ANKRD11: variants seen among roughly 807,000 people sequenced by gnomAD.
ANKRD11 encodes the protein ankyrin repeat domain 11.
Under a neutral mutation model 195.7 loss-of-function variants are expected in ANKRD11, and 17 were observed. The ratio of observed to expected loss-of-function variants is 0.09; its 90% CI spans 0.06 to 0.13. ANKRD11 has a LOEUF of 0.13. Ranked by LOEUF, ANKRD11 falls within the 10% of genes least tolerant of loss-of-function variation. The pLI is 1.00. For missense variants in ANKRD11, 3,735 were observed against 3,566.1 expected (o/e 1.05, Z -1.21); for synonymous variants, 1,953 against 1,528.1 (o/e 1.28, Z -6.49).
In ANKRD11 at chr16:89,274,904, C is replaced by A; in HGVS notation, c.7623G>T (p.Ala2541=). 6.2e-7 allele frequency: 1 copy of A among 1,613,580 alleles called. No homozygotes were observed. The highest frequency in any genetic ancestry group is 8.5e-7 in the Non-Finnish European group (1 of 1,180,002). ...CTGCCTGGTTGGCGATGGTCCTGGCCGCCCGGCAGTGAACCCGCAGAATCT... is the reference window on the plus strand; with the variant it reads ...CTGCCTGGTTGGCGATGGTCCTGGCAGCCCGGCAGTGAACCCGCAGAATCT... ...EQEILRVHCR[A]ARTIANQAVP... is the part of the protein sequence containing the mutation. The change falls in exon 11 of 13, where the codon GCG becomes GCT. Residue 2541 remains alanine (A), a synonymous_variant. Transcript: ENST00000301030.
intron 3 of ANKRD11, among the ~76,000 whole-genome samples, chr16:89,314,243 G>C (rs1314191017): frequency 7.2e-5 from 11 of 151,882 alleles, no homozygotes; most frequent in Admixed American, 7.2e-4. Context: ...GACAGAGTCA[G>C]ACCCTGTCTC....
chr16:89,303,747 T>C (rs1328539978), intron 4 of ANKRD11, among the ~76,000 whole-genome samples: 2 of 152,222 alleles, frequency 1.3e-5, no homozygotes, highest in African/African-American at 2.4e-5. Flanking sequence ...GCCACAGGCC[T>C]GCGGCAGCCA....
intron 2 of ANKRD11, among the ~76,000 whole-genome samples, chr16:89,359,149 T>C (rs1006723921): frequency 2.6e-5 from 4 of 152,074 alleles, no homozygotes; most frequent in African/African-American, 9.7e-5. Context: ...AAAAGACTGA[T>C]TCTGGAAGAA....
At position 89,278,899 on chromosome 16, in the gene ANKRD11, T is replaced by C. The variant is rs1012137969; in HGVS notation, c.7470+173A>G. Reference sequence around the variant, plus strand: ...CGGGTCTGCAGAACAGCTGGGCAGCTTCCGGCTTTTGCCTCCACAGCAGAA... The same window carrying C: ...CGGGTCTGCAGAACAGCTGGGCAGCCTCCGGCTTTTGCCTCCACAGCAGAA... On this transcript the variant is annotated intron_variant, in intron 9 of 12. Transcript: ENST00000301030. The C allele has an allele frequency of 4.4e-6, 5 of 1,124,388 alleles. No homozygotes were observed. In the African/African-American group the frequency reaches 7.7e-5, roughly 17 times the overall value. 69.7% of individuals were successfully genotyped at this position (1,124,388 alleles called of 1,614,324 possible). A position where few individuals can be genotyped will look rare whatever the true frequency, so the allele number is the denominator to read the frequency against.
intron 2 of ANKRD11, among the ~76,000 whole-genome samples, chr16:89,393,002 A>C (rs2041265014): frequency 6.6e-6 from 1 of 151,810 alleles, no homozygotes; most frequent in African/African-American, 2.4e-5. Context: ...ACTCCAGCCT[A>C]TTTCTTCACA....
At chr16:89,465,733 C>T (rs953098885) in intron 1 of ANKRD11, among the ~76,000 whole-genome samples, 1 of 152,074 alleles carries the variant, frequency 6.6e-6, no homozygotes, top group Admixed American at 6.6e-5. Context: ...GAGACGGAGT[C>T]GGAGTCTCGC....
At chr16:89,342,160 G>A (rs1006982736) in intron 2 of ANKRD11, among the ~76,000 whole-genome samples, 1 of 152,206 alleles carries the variant, frequency 6.6e-6, no homozygotes, top group African/African-American at 2.4e-5. Flanking sequence ...AGATCTTGGC[G>A]TCTGGGCCTC....
At position 89,426,347 on chromosome 16, in the gene ANKRD11, G is replaced by A. The variant is rs564067910; in HGVS notation, c.-144-7979C>T. 3.9e-5 allele frequency among the ~76,000 whole-genome samples: 6 copies of A among 152,226 alleles called. No homozygotes were observed. The South Asian group carries it at 1.2e-3, about 32-fold the overall frequency. On this transcript the variant is annotated intron_variant, in intron 1 of 12. Coordinates refer to ENST00000301030, the MANE Select transcript of ANKRD11 (RefSeq NM_013275.6). The stretch of plus-strand genomic sequence containing the variant: ...CCAATAACACACAGGAGAAGGTGGA[G>A]GAAGGACAGTGCTGGACTGTGCAAT...
At chr16:89,446,246 G>A (rs1187000554) in intron 1 of ANKRD11, among the ~76,000 whole-genome samples, 2 of 152,152 alleles carry the variant, frequency 1.3e-5, no homozygotes. Context: ...CAAGAAAACA[G>A]CTTCTAATAT....
intron 2 of ANKRD11, among the ~76,000 whole-genome samples, chr16:89,348,840 AT>A (rs2039062279): frequency 6.6e-6 from 1 of 150,530 alleles, no homozygotes; most frequent in South Asian, 2.1e-4. Flanking sequence ...CTCCTGATCC[AT>A]TTGGCTAAGG....
At chr16:89,321,222 G>A (rs1035917498) in intron 2 of ANKRD11, 2 of 152,290 alleles carry the variant, frequency 1.3e-5, no homozygotes, top group African/African-American at 2.4e-5. Flanking sequence ...CACTGACTAC[G>A]GCAAGGTCAG....
At chr16:89,318,728 T>C (rs2037118515) in intron 2 of ANKRD11, among the ~76,000 whole-genome samples, 2 of 152,316 alleles carry the variant, frequency 1.3e-5, no homozygotes, top group South Asian at 4.1e-4. Context: ...AAATAAATGA[T>C]AAAATCCCAC....
intron 4 of ANKRD11, among the ~76,000 whole-genome samples, chr16:89,294,599 C>T (rs967744285): frequency 5.3e-5 from 8 of 152,168 alleles, no homozygotes; most frequent in South Asian, 2.1e-4. Flanking sequence ...GCCCCACCCA[C>T]GGAGCGAGAC....
At chr16:89,473,327 C>G (rs1007101316) in intron 1 of ANKRD11, among the ~76,000 whole-genome samples, 4 of 152,206 alleles carry the variant, frequency 2.6e-5, no homozygotes, top group African/African-American at 9.7e-5. Flanking sequence ...TAACCAATCT[C>G]TGCCTAGAGA....
At chr16:89,429,762 C>T (rs1177430484) in intron 1 of ANKRD11, among the ~76,000 whole-genome samples, 1 of 59,342 alleles carries the variant, frequency 1.7e-5, no homozygotes, top group Non-Finnish European at 3.5e-5. Context: ...ACAGCAGGGA[C>T]TCTCAACTCT....
At chr16:89,462,457 A>C (rs1388926378) in intron 1 of ANKRD11, among the ~76,000 whole-genome samples, 1 of 152,208 alleles carries the variant, frequency 6.6e-6, no homozygotes, top group Admixed American at 6.5e-5. Context: ...GGCCTCCCAA[A>C]GTGCCGAGAC....
rs565553212 is a variant in ANKRD11 at position 89,289,606 on chromosome 16, G to A, written c.602-936C>T. Reference sequence around the variant, plus strand: ...GTGAGGGAGTCCAGTCCAGGGTGTCGACCCAGCCGGCCTCCCGGCTCAGAG... The same window carrying A: ...GTGAGGGAGTCCAGTCCAGGGTGTCAACCCAGCCGGCCTCCCGGCTCAGAG... On this transcript the variant is annotated intron_variant, in intron 6 of 12. Transcript: ENST00000301030. Among the ~76,000 whole-genome samples the A allele has an allele frequency of 4.6e-5, 7 of 152,300 alleles. No homozygotes were observed. The East Asian group carries it at 5.8e-4, about 13-fold the overall frequency.
chr16:89,484,854 G>A (rs1283848212), intron 1 of ANKRD11, among the ~76,000 whole-genome samples: 1 of 152,132 alleles, frequency 6.6e-6, no homozygotes, highest in African/African-American at 2.4e-5. Context: ...CACATTGGTT[G>A]CTTTACACGT....
At chr16:89,343,975 C>G (rs981424791) in intron 2 of ANKRD11, among the ~76,000 whole-genome samples, 2 of 152,226 alleles carry the variant, frequency 1.3e-5, no homozygotes, top group African/African-American at 4.8e-5. Context: ...CCAGCTCTGA[C>G]CGACTGAACC....
Sources: allele counts gnomAD v4.1 joint callset (sites outside exome capture counted in the v4.1 genomes callset), GRCh38; gene constraint gnomAD v4.1.1; transcripts MANE v1.5; gene names NCBI Gene and HGNC (gene_info 2026-07-23, HGNC 2026-07-21).